ADGRL3: variants seen among roughly 807,000 people sequenced by gnomAD.
The protein encoded by ADGRL3 is calcium-independent alpha-latrotoxin receptor 3.
ADGRL3 carries 62 observed loss-of-function variants against 153.5 expected under a neutral mutation model. That is an observed-to-expected ratio of 0.40 (90% confidence interval 0.33 to 0.50). The LOEUF is 0.50. Among genes scored for constraint, ADGRL3 ranks in the 20% least tolerant of loss-of-function variants. The probability of loss-of-function intolerance (pLI) is 0.47; values close to 1 mark genes in which losing one functional copy is unlikely to be tolerated. For missense variants in ADGRL3, 1,641 were observed against 1,859.4 expected (o/e 0.88, Z 2.16); for synonymous variants, 710 against 672.5 (o/e 1.06, Z -0.86).
intron 5 of ADGRL3, among the ~76,000 whole-genome samples, chr4:61,592,089 A>AC (rs2098971963): frequency 6.6e-6 from 1 of 151,600 alleles, no homozygotes. Context: ...AAAAAAAAAA[A>AC]AATAGAGAAA....
intron 8 of ADGRL3, among the ~76,000 whole-genome samples, chr4:61,743,108 T>C (rs56727277): frequency 0.086 from 13,075 of 151,530 alleles, 1,215 homozygotes; most frequent in African/African-American, 0.23. Context: ...ATCACAAGGT[T>C]AGAAGATCTA....
intron 9 of ADGRL3, among the ~76,000 whole-genome samples, chr4:61,872,267 T>C (rs373670616): frequency 6.6e-6 from 1 of 152,198 alleles, no homozygotes; most frequent in East Asian, 1.9e-4. Context: ...AAATCTTACA[T>C]AGACATATTA....
intron 2 of ADGRL3, among the ~76,000 whole-genome samples, chr4:61,406,648 T>C (rs2152208324): frequency 6.6e-6 from 1 of 152,118 alleles, no homozygotes; most frequent in Admixed American, 6.6e-5. Flanking sequence ...AGGATATATA[T>C]GTGGTTAATA....
At chr4:61,532,559 T>C (rs1197996450) in intron 4 of ADGRL3, among the ~76,000 whole-genome samples, 2 of 148,398 alleles carry the variant, frequency 1.3e-5, no homozygotes, top group African/African-American at 4.9e-5. Context: ...CGCGCGCGTG[T>C]GTGTGTGTGT....
chr4:61,323,286 G>T (rs180719033), intron 1 of ADGRL3, among the ~76,000 whole-genome samples: 3 of 152,268 alleles, frequency 2.0e-5, no homozygotes, highest in African/African-American at 4.8e-5. Flanking sequence ...TGCTGCAAAG[G>T]TCTCTGGTGT....
chr4:61,631,385 T>G (rs1299329939), intron 5 of ADGRL3, among the ~76,000 whole-genome samples: 1 of 152,198 alleles, frequency 6.6e-6, no homozygotes, highest in Admixed American at 6.5e-5. Context: ...CCTTTAAAAG[T>G]TCTATAATAA....
At chr4:61,730,152 A>G (rs2096414511) in intron 6 of ADGRL3, among the ~76,000 whole-genome samples, 1 of 151,984 alleles carries the variant, frequency 6.6e-6, no homozygotes, top group Non-Finnish European at 1.5e-5. Context: ...TGAGTTGCCG[A>G]GTAGTTCCTT....
At chr4:61,638,251 C>G (rs2093514399) in intron 5 of ADGRL3, among the ~76,000 whole-genome samples, 1 of 152,070 alleles carries the variant, frequency 6.6e-6, no homozygotes, top group Non-Finnish European at 1.5e-5. Flanking sequence ...ATGAATGACT[C>G]TCAGAAACAT....
chr4:61,767,094 G>A (rs2096994921), intron 8 of ADGRL3, among the ~76,000 whole-genome samples: 2 of 151,912 alleles, frequency 1.3e-5, no homozygotes, highest in Non-Finnish European at 2.9e-5. Flanking sequence ...ATGGTAAGGG[G>A]TGCATGATTG....
chr4:61,870,032 AAG>A lies in ADGRL3; in HGVS notation c.1481-22622_1481-22621del, dbSNP rs983256561. ...AGAGAAAGGAAAGAAAGAAGAAAGA[AAG>A]AAAGAGAAAGAAAAGAAAGGAAAAA... is the stretch of plus-strand genomic sequence containing the variant. On this transcript the variant is annotated intron_variant, in intron 9 of 26. Coordinates refer to ENST00000683033, the MANE Select transcript of ADGRL3 (RefSeq NM_001387552.1). Among the ~76,000 whole-genome samples the A allele has an allele frequency of 5.3e-5, 8 of 149,718 alleles. 1 individual carries two copies. Among genetic ancestry groups the A allele is most frequent in the Admixed American group, 3.3e-4 (5 of 14,974 alleles).
rs112064986 is a variant in ADGRL3, at chr4:61,721,327, G to T, written c.584-9295G>T. Among the ~76,000 whole-genome samples the T allele has an allele frequency of 2.5e-3, 386 of 152,246 alleles. 5 individuals are homozygous for T. Among genetic ancestry groups the T allele is most frequent in the African/African-American group, 8.4e-3 (351 of 41,550 alleles). On this transcript the variant is annotated intron_variant, in intron 6 of 26. Transcript: ENST00000683033. ...CTGACAGTGTAGCCTTCAGTCTGTG[G>T]CCAAAGGCCTGAGAGCCCTTGCAAA...
chr4:61,946,134 A>C (rs2098922452), intron 15 of ADGRL3, among the ~76,000 whole-genome samples: 1 of 152,162 alleles, frequency 6.6e-6, no homozygotes, highest in African/African-American at 2.4e-5. Flanking sequence ...TTTTATAAGA[A>C]ATTGTCAAAT....
intron 2 of ADGRL3, among the ~76,000 whole-genome samples, chr4:61,461,070 AAAAAC>A (rs770553465): frequency 1.3e-5 from 2 of 152,134 alleles, no homozygotes; most frequent in African/African-American, 4.8e-5. Flanking sequence ...ACTACATCAA[AAAAAC>A]AAAACAAAAC....
In ADGRL3 at chr4:61,200,500, G is replaced by C. The variant is rs1334222228; in HGVS notation, c.-1505G>C. ...GCAGATGCTGCAGCTGGTCGGGGTG[G>C]GCGCCGCCGCCGCCGCCGCCGCCGC... On this transcript the variant is annotated 5_prime_UTR_variant, in exon 1 of 27. Transcript: ENST00000683033. Among the ~76,000 whole-genome samples, 1 of 147,144 alleles carries C rather than the reference G, an allele frequency of 6.8e-6. No homozygotes were observed. The highest frequency in any genetic ancestry group is 1.5e-5 in the Non-Finnish European group (1 of 66,510).
chr4:61,223,612 G>A (rs568467413), intron 1 of ADGRL3, among the ~76,000 whole-genome samples: 1 of 152,280 alleles, frequency 6.6e-6, no homozygotes, highest in Admixed American at 6.5e-5. Flanking sequence ...CACACTATGG[G>A]GTAACAACCT....
intron 8 of ADGRL3, among the ~76,000 whole-genome samples, chr4:61,741,161 G>C (rs1371057426): frequency 6.6e-6 from 1 of 152,134 alleles, no homozygotes; most frequent in Non-Finnish European, 1.5e-5. Context: ...AAACTGCCAC[G>C]TGTTTAATAG....
intron 6 of ADGRL3, among the ~76,000 whole-genome samples, chr4:61,685,515 G>C (rs1428181712): frequency 6.6e-6 from 1 of 152,102 alleles, no homozygotes; most frequent in East Asian, 1.9e-4. Context: ...TATCTGAAGA[G>C]GCTATGTGAG....
intron 2 of ADGRL3, among the ~76,000 whole-genome samples, chr4:61,433,423 T>C (rs1254136755): frequency 1.3e-5 from 2 of 152,128 alleles, no homozygotes; most frequent in Non-Finnish European, 2.9e-5. Context: ...TGTTGCTAAA[T>C]CTGATAGACA....
At chr4:61,743,996 G>A (rs192574408) in intron 8 of ADGRL3, among the ~76,000 whole-genome samples, 4 of 152,248 alleles carry the variant, frequency 2.6e-5, no homozygotes, top group African/African-American at 9.6e-5. Flanking sequence ...GGAAAATCAG[G>A]TCACTCCCAC....
Sources: allele counts gnomAD v4.1 joint callset (sites outside exome capture counted in the v4.1 genomes callset), GRCh38; gene constraint gnomAD v4.1.1; transcripts MANE v1.5; gene names NCBI Gene and HGNC (gene_info 2026-07-23, HGNC 2026-07-21).